Variants in HYDIN observed in about 807,000 individuals in gnomAD.
The protein encoded by HYDIN is HYDIN axonemal central pair apparatus protein, also known as axonemal central pair apparatus protein HYDIN.
Under a neutral mutation model 403.9 loss-of-function variants are expected in HYDIN, and 132 were observed. The ratio of observed to expected loss-of-function variants is 0.33; its 90% CI spans 0.28 to 0.38. HYDIN has a LOEUF of 0.38. HYDIN is among the 10% of genes least tolerant of loss of function. The pLI is 1.00. For synonymous variants in HYDIN, 1,202 were observed against 1,891.7 expected (o/e 0.64, Z 9.46); for missense variants, 2,827 against 5,009.5 (o/e 0.56, Z 13.15).
chr16:71,221,025 GGAGATAATCCTCCA>G (rs2089174174), intron 1 of HYDIN, among the ~76,000 whole-genome samples: 1 of 152,124 alleles, frequency 6.6e-6, no homozygotes, highest in Non-Finnish European at 1.5e-5. Flanking sequence ...AAATTTGGTA[GGAGATAATCCTCCA>G]GACAAGGACA....
In HYDIN at chr16:71,175,644, G is replaced by C. The variant is rs746268990; in HGVS notation, c.479C>G (p.Ser160Cys). 1.2e-6 allele frequency: 2 copies of C among 1,614,158 alleles called. No homozygotes were observed. The highest frequency in any genetic ancestry group is 1.7e-6 in the Non-Finnish European group (2 of 1,179,964). The part of the protein sequence containing the change: ...IGHKVAPGVP[S>C]IFRILFTPEE... ...TGGAGTAAAGAGGATTCGGAATATG[G>C]AAGGCACTCCAGGAGCCACTTTGTG... The change falls in exon 5 of 86, where the codon TCC becomes TGC. Residue 160 changes from serine to cysteine, a missense_variant. Coordinates refer to ENST00000393567, the MANE Select transcript of HYDIN (RefSeq NM_001270974.2).
chr16:70,875,907 T>C (rs1187992547), intron 62 of HYDIN, among the ~76,000 whole-genome samples: 1 of 152,200 alleles, frequency 6.6e-6, no homozygotes. Flanking sequence ...CTGAACTAGA[T>C]GCTAAAACAT....
At position 70,920,814 on chromosome 16, in the gene HYDIN, G is replaced by A. The variant is rs74861733; in HGVS notation, c.7562C>T (p.Thr2521Met). ...RERERLEKERTEKERLEREKA... is the reference protein window; with the variant it reads ...RERERLEKERMEKERLEREKA... ...CTCCCTCTCCAGGCGCTCCTTCTCC[G>A]TGCGCTCCTTCTCCAGGCGCTCTCT... Residue 2521 changes from threonine (T) to methionine (M), a missense_variant, in exon 46 of 86, where the codon ACG (threonine) becomes ATG (methionine). Thr to Met is a moderately conservative substitution (Grantham distance 81, BLOSUM62 -1). Transcript: ENST00000393567. The A allele has an allele frequency of 3.7e-5, 58 of 1,566,222 alleles. No homozygotes were observed. The highest frequency in any genetic ancestry group is 2.7e-4 in the South Asian group (23 of 86,456).
intron 1 of HYDIN, among the ~76,000 whole-genome samples, chr16:71,191,554 A>C (rs1442707450): frequency 6.6e-6 from 1 of 152,194 alleles, no homozygotes; most frequent in Non-Finnish European, 1.5e-5. Flanking sequence ...GTCCTCTACT[A>C]CACCCAGGCT....
At chr16:71,229,077 G>A (rs1379622365) in intron 1 of HYDIN, among the ~76,000 whole-genome samples, 2 of 146,560 alleles carry the variant, frequency 1.4e-5, no homozygotes, top group African/African-American at 5.1e-5. Flanking sequence ...AACACCGCAT[G>A]TTCTCACTCA....
rs1225567038 is a variant in HYDIN, at chr16:70,803,159, A to AT, written c.*4420_*4421insA. 2.1e-3 allele frequency among the ~76,000 whole-genome samples: 327 copies of AT among 152,198 alleles called. 2 individuals carry two copies. Among genetic ancestry groups the AT allele is most frequent in the African/African-American group, 7.7e-3 (319 of 41,506 alleles). On this transcript the variant is annotated 3_prime_UTR_variant, in exon 86 of 86. Coordinates refer to ENST00000393567, the MANE Select transcript of HYDIN (RefSeq NM_001270974.2). Reference sequence around the variant, plus strand: ...GTTTTTAATAATTCAAACAATAAGGAATTTTTTTTTTACCAGAAGTATTCT... The same window carrying AT: ...GTTTTTAATAATTCAAACAATAAGGATATTTTTTTTTTACCAGAAGTATTCT...
chr16:71,196,996 T>C (rs1002761020), intron 1 of HYDIN, among the ~76,000 whole-genome samples: 9 of 152,198 alleles, frequency 5.9e-5, no homozygotes, highest in African/African-American at 1.9e-4. Flanking sequence ...TCTTTATCCC[T>C]TTACTTTCCT....
intron 1 of HYDIN, among the ~76,000 whole-genome samples, chr16:71,198,848 C>T (rs1056834143): frequency 2.6e-5 from 4 of 152,156 alleles, no homozygotes; most frequent in African/African-American, 7.2e-5. Flanking sequence ...AGTTGGTAAT[C>T]GGTGCACAGT....
At chr16:70,946,286 G>T (rs1483965679) in intron 41 of HYDIN, among the ~76,000 whole-genome samples, 6 of 143,278 alleles carry the variant, frequency 4.2e-5, no homozygotes, top group African/African-American at 1.6e-4. Context: ...AGCTTTCTTG[G>T]TGAAATCAGA....
In HYDIN at chr16:70,902,783, T is replaced by C. The variant is rs550831002; in HGVS notation, c.8849+842A>G. Among the ~76,000 whole-genome samples the C allele has an allele frequency of 1.4e-3, 188 of 130,570 alleles. 1 individual carries two copies. Among genetic ancestry groups the C allele is most frequent in the African/African-American group, 6.0e-3 (172 of 28,680 alleles). The allele number at this position is 130,570 out of a possible 152,430, so 85.7% of individuals were successfully genotyped here. On this transcript the variant is annotated intron_variant, in intron 52 of 85. Coordinates refer to ENST00000393567, the MANE Select transcript of HYDIN (RefSeq NM_001270974.2). ...TTTCACCAAATTTGGGAAAGTTCCA[T>C]CTACTCTTTAAATATATATATATAT... is the stretch of plus-strand genomic sequence containing the variant.
chr16:70,809,413 A>T (rs1425449913), intron 85 of HYDIN, among the ~76,000 whole-genome samples: 1 of 152,220 alleles, frequency 6.6e-6, no homozygotes, highest in African/African-American at 2.4e-5. Context: ...TATTCATACA[A>T]AGAGTAAGTG....
chr16:70,991,938 A>G, intron 24 of HYDIN, 132 bp downstream of exon 24: 1 of 1,481,344 alleles, frequency 6.8e-7, no homozygotes, highest in Non-Finnish European at 9.0e-7. Context: ...GGGCCTACAC[A>G]TAGAAGACAT....
intron 5 of HYDIN, among the ~76,000 whole-genome samples, chr16:71,171,089 T>C (rs1189363643): frequency 6.6e-6 from 1 of 152,220 alleles, no homozygotes. Flanking sequence ...TCTCATTTCC[T>C]ACCATGTTTC....
intron 30 of HYDIN, 70 bp downstream of exon 30, chr16:70,978,844 A>C (rs529114673): frequency 7.8e-7 from 1 of 1,275,168 alleles, no homozygotes; most frequent in Admixed American, 2.0e-5. Flanking sequence ...CCCTCTGCAC[A>C]CAACTCCTAT....
At chr16:71,026,143 A>G (rs1277735900) in intron 20 of HYDIN, among the ~76,000 whole-genome samples, 1 of 152,230 alleles carries the variant, frequency 6.6e-6, no homozygotes, top group Non-Finnish European at 1.5e-5. Flanking sequence ...CAGGTGACCC[A>G]CCCACCTCGG....
chr16:70,962,925 G>A (rs1453797626), intron 37 of HYDIN, among the ~76,000 whole-genome samples: 1 of 150,552 alleles, frequency 6.6e-6, no homozygotes. Flanking sequence ...GCACTGGTGA[G>A]AAGCAGGGCG....
chr16:71,066,686 C>G (rs1178735793), intron 15 of HYDIN: 1 of 359,476 alleles, frequency 2.8e-6, no homozygotes, highest in Non-Finnish European at 5.5e-6. Context: ...GTAGCTTGGT[C>G]AAAAGGACAC....
chr16:70,837,225 C>G (rs528531724), intron 77 of HYDIN, among the ~76,000 whole-genome samples: 34 of 152,174 alleles, frequency 2.2e-4, no homozygotes, highest in Admixed American at 2.0e-3. Flanking sequence ...CTGTGGCTGG[C>G]TGGAGAATGC....
chr16:70,990,073 G>A (rs1442340697), intron 25 of HYDIN, among the ~76,000 whole-genome samples: 1 of 152,182 alleles, frequency 6.6e-6, no homozygotes, highest in Admixed American at 6.5e-5. Context: ...ACCTCACAGA[G>A]GTGTTGGGAA....
Sources: gnomAD v4.1 joint callset for allele counts (sites outside exome capture counted in the v4.1 genomes callset) on GRCh38, gnomAD v4.1.1 for gene constraint, MANE v1.5 for transcripts, NCBI Gene and HGNC (gene_info 2026-07-23, HGNC 2026-07-21) for gene names.